Variants in ZNF76 observed in about 807,000 individuals in gnomAD.
ZNF76 encodes the protein zinc finger protein 76.
In ZNF76, 66 loss-of-function variants were observed where a neutral mutation model predicts 66.9. That is an observed-to-expected ratio of 0.99 (90% CI 0.81 to 1.21). ZNF76 has a LOEUF of 1.21. Ranked by LOEUF, ZNF76 falls within the 50% of genes most tolerant of loss-of-function variation. The pLI, the probability that ZNF76 is intolerant of heterozygous loss-of-function variation, is 0.00. For synonymous variants in ZNF76, 275 were observed against 296.1 expected (o/e 0.93, Z 0.73); for missense variants, 729 against 760.3 (o/e 0.96, Z 0.48).
chr6:35,284,248 C>A (rs151287036), intron 2 of ZNF76, among the ~76,000 whole-genome samples: 2 of 150,550 alleles, frequency 1.3e-5, no homozygotes, highest in East Asian at 3.9e-4. Flanking sequence ...TGTGCCATCA[C>A]GCCTGGTTAA....
chr6:35,286,629 G>A (rs558500560), intron 4 of ZNF76: 111 of 593,996 alleles, frequency 1.9e-4, no homozygotes, highest in Non-Finnish European at 3.1e-4. Context: ...GATCAGTGAC[G>A]TGGACTTTGA....
In ZNF76 at chr6:35,278,111, T is replaced by C. The variant is rs964981499; in HGVS notation, c.-96-2945T>C. On this transcript the variant is annotated intron_variant, in intron 1 of 13. Transcript: ENST00000373953. ...GACCTTGTGATCTGCCCGCCTCAAC[T>C]TCTCAAAGTGCTGGGATTACAGGTG... Among the ~76,000 whole-genome samples the C allele has an allele frequency of 2.6e-5, 4 of 152,264 alleles. No homozygotes were observed. The South Asian group carries it at 6.2e-4, about 24-fold the overall frequency.
At chr6:35,275,474 A>G (rs1787752637) in intron 1 of ZNF76, among the ~76,000 whole-genome samples, 1 of 152,182 alleles carries the variant, frequency 6.6e-6, no homozygotes, top group African/African-American at 2.4e-5. Flanking sequence ...GGCTCTGCCC[A>G]TGTCACTGTT....
At chr6:35,294,157 C>A (rs908847541) in intron 12 of ZNF76, 3 of 595,994 alleles carry the variant, frequency 5.0e-6, no homozygotes, top group Non-Finnish European at 8.8e-6. Flanking sequence ...CAACCTTAGG[C>A]AAATCACTTT....
intron 1 of ZNF76, among the ~76,000 whole-genome samples, chr6:35,276,468 T>C (rs1374967005): frequency 6.6e-6 from 1 of 152,220 alleles, no homozygotes; most frequent in South Asian, 2.1e-4. Context: ...ATTTAATCCC[T>C]TACAGCAGGC....
At chr6:35,263,242 G>T (rs1785513791) in intron 1 of ZNF76, among the ~76,000 whole-genome samples, 2 of 152,202 alleles carry the variant, frequency 1.3e-5, no homozygotes, top group Non-Finnish European at 2.9e-5. Context: ...GGCAGGGAGA[G>T]AGCCCTTTGA....
chr6:35,293,659 A>G (rs769780284), intron 11 of ZNF76, 92 bp from the exon 12 acceptor site: 92 of 1,452,956 alleles, frequency 6.3e-5, no homozygotes, highest in Non-Finnish European at 8.4e-5. Flanking sequence ...TAATAAGCTG[A>G]CCTTGTCTGG....
chr6:35,266,925 T>C (rs1383321679), intron 1 of ZNF76, among the ~76,000 whole-genome samples: 1 of 147,830 alleles, frequency 6.8e-6, no homozygotes, highest in Non-Finnish European at 1.5e-5. Flanking sequence ...CTCAGCCTCC[T>C]GAGTAGCTGG....
intron 2 of ZNF76, among the ~76,000 whole-genome samples, chr6:35,282,358 A>G (rs1788898302): frequency 6.6e-6 from 1 of 151,678 alleles, no homozygotes; most frequent in Admixed American, 6.6e-5. Flanking sequence ...AATAATACCA[A>G]GTTCTAAAAA....
intron 1 of ZNF76, among the ~76,000 whole-genome samples, chr6:35,263,200 A>G (rs1785506301): frequency 6.6e-6 from 1 of 152,208 alleles, no homozygotes; most frequent in Non-Finnish European, 1.5e-5. Flanking sequence ...ACTTCTGATA[A>G]TAGATCACCA....
rs919474709 is a variant in ZNF76, at chr6:35,294,692, GA to G, written c.1608+124del. On this transcript the variant is annotated intron_variant, in intron 13 of 13. Transcript: ENST00000373953. ...GACTCAAAAAGAGCCCATTTCAGAG[GA>G]CAGATCCCTTTCCTCCTGCATCCAT... is the stretch of plus-strand genomic sequence containing the variant. 1.1e-5 allele frequency: 8 copies of G among 748,208 alleles called. No individual in the cohort carries two copies. In the African/African-American group the frequency reaches 1.4e-4, roughly 13 times the overall value. 46.3% of individuals were successfully genotyped at this position (748,208 alleles called of 1,614,324 possible). A position where few individuals can be genotyped will look rare whatever the true frequency, so the allele number is the denominator to read the frequency against.
intron 1 of ZNF76, among the ~76,000 whole-genome samples, chr6:35,265,398 T>G (rs753687688): frequency 6.6e-6 from 1 of 151,386 alleles, no homozygotes; most frequent in Non-Finnish European, 1.5e-5. Flanking sequence ...TCCCAGCTAC[T>G]CGGGAGGCTG....
At chr6:35,295,063 AG>A in intron 13 of ZNF76, 80 bp from the exon 14 acceptor site, 1 of 1,114,996 alleles carries the variant, frequency 9.0e-7, no homozygotes, top group Non-Finnish European at 1.3e-6. Context: ...CAAAAAAAAA[AG>A]TAGGCCACAT....
At position 35,295,367 on chromosome 6, in the gene ZNF76, G is replaced by A; in HGVS notation, c.*119G>A. The A allele has an allele frequency of 1.2e-6, 1 of 864,646 alleles. No homozygotes were observed. Among genetic ancestry groups the A allele is most frequent in the Non-Finnish European group, 1.9e-6 (1 of 534,556 alleles). 53.6% of individuals were successfully genotyped at this position (864,646 alleles called of 1,614,324 possible). A position where few individuals can be genotyped will look rare whatever the true frequency, so the allele number is the denominator to read the frequency against. On this transcript the variant is annotated 3_prime_UTR_variant, in exon 14 of 14. Coordinates refer to ENST00000373953, the MANE Select transcript of ZNF76 (RefSeq NM_003427.5). Reference sequence around the variant, plus strand: ...GAAGGTGGCCACATAGGTCTCTGGGGTGAGAAGACAGCAAGAAAACTGCCT... The same window carrying A: ...GAAGGTGGCCACATAGGTCTCTGGGATGAGAAGACAGCAAGAAAACTGCCT...
chr6:35,274,358 G>T (rs1787573524), intron 1 of ZNF76, among the ~76,000 whole-genome samples: 1 of 152,198 alleles, frequency 6.6e-6, no homozygotes, highest in East Asian at 1.9e-4. Flanking sequence ...AGTTCTGGTT[G>T]GCAGAAGACA....
intron 1 of ZNF76, among the ~76,000 whole-genome samples, chr6:35,268,319 T>C (rs1786457853): frequency 6.6e-6 from 1 of 152,194 alleles, no homozygotes; most frequent in African/African-American, 2.4e-5. Flanking sequence ...TTGTGTCATT[T>C]AGATGTCTAC....
intron 1 of ZNF76, among the ~76,000 whole-genome samples, chr6:35,267,215 A>G (rs1198442631): frequency 1.3e-5 from 2 of 152,048 alleles, no homozygotes; most frequent in African/African-American, 2.4e-5. Flanking sequence ...CTCCCATGTC[A>G]GCCTCCTGAG....
chr6:35,284,471 T>C (rs1434132222), intron 2 of ZNF76, among the ~76,000 whole-genome samples: 1 of 151,612 alleles, frequency 6.6e-6, no homozygotes, highest in Non-Finnish European at 1.5e-5. Context: ...CAATCTCAGC[T>C]CACTGCAACC....
Position 35,295,481 on chromosome 6 carries a change from A to G in ZNF76, c.*233A>G, listed in dbSNP as rs1282450869. ...TCATCCTCGGGAGCTGACAACAGCC[A>G]GGCTACACCAGGGCACCCGCCTCTC... On this transcript the variant is annotated 3_prime_UTR_variant, in exon 14 of 14. Transcript: ENST00000373953. The G allele has an allele frequency of 3.7e-6, 2 of 536,386 alleles. No homozygotes were observed. Among genetic ancestry groups the G allele is most frequent in the Non-Finnish European group, 6.9e-6 (2 of 291,820 alleles). 33.2% of individuals were successfully genotyped at this position (536,386 alleles called of 1,614,324 possible).
Sources: allele counts gnomAD v4.1 joint callset (sites outside exome capture counted in the v4.1 genomes callset), GRCh38; gene constraint gnomAD v4.1.1; transcripts MANE v1.5; gene names NCBI Gene and HGNC (gene_info 2026-07-23, HGNC 2026-07-21).